Variants in SNAP25 observed in about 807,000 individuals in gnomAD.
SNAP25 encodes the protein synaptosome associated protein 25.
In SNAP25, 3 loss-of-function variants were observed where a neutral mutation model predicts 28.7. The ratio of observed to expected loss-of-function variants is 0.10; its 90% confidence interval spans 0.05 to 0.27. The LOEUF is 0.27. Ranked by LOEUF, SNAP25 falls within the 10% of genes least tolerant of loss-of-function variation. The pLI, the probability that SNAP25 is intolerant of heterozygous loss-of-function variation, is 1.00. For missense variants in SNAP25, 117 were observed against 278.7 expected, an observed-to-expected ratio of 0.42 and a Z score of 4.13; for synonymous variants, 61 against 88.1, an observed-to-expected ratio of 0.69 and a Z score of 1.72.
intron 6 of SNAP25, among the ~76,000 whole-genome samples, chr20:10,299,003 C>T (rs986981216): frequency 2.0e-5 from 3 of 151,954 alleles, no homozygotes; most frequent in Non-Finnish European, 4.4e-5. Context: ...GAAGGGGAAA[C>T]AACATAATGG....
At position 10,287,230 on chromosome 20, in the gene SNAP25, A is replaced by C. The variant is rs540735981; in HGVS notation, c.163+2458A>C. On this transcript the variant is annotated intron_variant, in intron 4 of 7. Transcript: ENST00000254976. ...ATCAGAGTGAACAGGCAACCTACAA[A>C]ATGGGAGAAAATTTTTGCAACCTAC... Among the ~76,000 whole-genome samples, 345 of 152,130 alleles carry C rather than the reference A, an allele frequency of 2.3e-3. 4 individuals carry two copies. The highest frequency in any genetic ancestry group is 3.4e-3 in the Middle Eastern group (1 of 294).
intron 1 of SNAP25, among the ~76,000 whole-genome samples, chr20:10,228,386 A>G (rs2062769118): frequency 6.6e-6 from 1 of 152,152 alleles, no homozygotes; most frequent in African/African-American, 2.4e-5. Context: ...CATGAGTTGC[A>G]CAAAATACAT....
chr20:10,273,562 CTG>C lies in SNAP25; in HGVS notation c.-63-1865_-63-1864del, dbSNP rs79564582. 4.5e-3 allele frequency among the ~76,000 whole-genome samples: 691 copies of C among 152,302 alleles called. 12 individuals carry two copies. The highest frequency in any genetic ancestry group is 0.031 in the Admixed American group (468 of 15,300). ...CTCATGGCTTAACCATCCTTTAAGA[CTG>C]TATTTCTGGCAGAAGGAGAAACAGA... On this transcript the variant is annotated intron_variant, in intron 1 of 7. Transcript: ENST00000254976.
chr20:10,273,855 A>G (rs1245906023), intron 1 of SNAP25, among the ~76,000 whole-genome samples: 2 of 152,210 alleles, frequency 1.3e-5, no homozygotes, highest in Non-Finnish European at 2.9e-5. Flanking sequence ...TTTTCATTCT[A>G]TCAGATACCT....
At chr20:10,300,794 C>T (rs577551566) in intron 7 of SNAP25, among the ~76,000 whole-genome samples, 1 of 152,108 alleles carries the variant, frequency 6.6e-6, no homozygotes, top group Non-Finnish European at 1.5e-5. Flanking sequence ...CAAGTAATGG[C>T]ATGCTTATCG....
chr20:10,224,586 T>C (rs1317747398), intron 1 of SNAP25, among the ~76,000 whole-genome samples: 5 of 152,050 alleles, frequency 3.3e-5, no homozygotes, highest in Admixed American at 2.6e-4. Flanking sequence ...TGGCATCATC[T>C]TAATAATGCT....
At chr20:10,294,053 C>T (rs150432461) in intron 5 of SNAP25, among the ~76,000 whole-genome samples, 1 of 152,280 alleles carries the variant, frequency 6.6e-6, no homozygotes, top group African/African-American at 2.4e-5. Context: ...ATGGAAGGAA[C>T]CTAAAACTGA....
intron 1 of SNAP25, among the ~76,000 whole-genome samples, chr20:10,249,113 T>C (rs1307806326): frequency 6.6e-6 from 1 of 152,240 alleles, no homozygotes; most frequent in African/African-American, 2.4e-5. Flanking sequence ...TTTACTTCAT[T>C]TGATAGCTCG....
intron 1 of SNAP25, among the ~76,000 whole-genome samples, chr20:10,264,543 T>C (rs906764594): frequency 6.6e-6 from 1 of 152,182 alleles, no homozygotes; most frequent in East Asian, 1.9e-4. Flanking sequence ...ACATGCTATG[T>C]TATCAGATAT....
At chr20:10,259,843 C>T (rs1212894511) in intron 1 of SNAP25, among the ~76,000 whole-genome samples, 1 of 152,206 alleles carries the variant, frequency 6.6e-6, no homozygotes, top group African/African-American at 2.4e-5. Context: ...AGCCAGAACC[C>T]ATTCTTATGA....
At chr20:10,224,042 A>G (rs1336566328) in intron 1 of SNAP25, among the ~76,000 whole-genome samples, 1 of 152,132 alleles carries the variant, frequency 6.6e-6, no homozygotes. Flanking sequence ...GTATCCTCCT[A>G]ACAACCTTGT....
intron 1 of SNAP25, among the ~76,000 whole-genome samples, chr20:10,222,886 T>A (rs1195181560): frequency 6.6e-6 from 1 of 152,176 alleles, no homozygotes; most frequent in Non-Finnish European, 1.5e-5. Context: ...CTAAATGAAA[T>A]TATGCAAGTT....
At chr20:10,275,403 A>G in intron 1 of SNAP25, 26 bp from the exon 2 acceptor site, 1 of 1,204,446 alleles carries the variant, frequency 8.3e-7, no homozygotes, top group Admixed American at 2.3e-5. Context: ...ATAAGCTCTC[A>G]TATTTTCATA....
intron 1 of SNAP25, among the ~76,000 whole-genome samples, chr20:10,235,313 A>C (rs1171707778): frequency 1.3e-5 from 2 of 152,226 alleles, no homozygotes. Flanking sequence ...CAACTATTAA[A>C]ATATTTTTAG....
intron 1 of SNAP25, among the ~76,000 whole-genome samples, chr20:10,236,959 C>A (rs73256307): frequency 0.15 from 21,788 of 146,612 alleles, 3,036 homozygotes; most frequent in African/African-American, 0.37. Flanking sequence ...AAGGAAAATA[C>A]ATAAATAAAT....
chr20:10,234,925 T>C (rs939005307), intron 1 of SNAP25, among the ~76,000 whole-genome samples: 1 of 152,204 alleles, frequency 6.6e-6, no homozygotes, highest in East Asian at 1.9e-4. Flanking sequence ...TAGCTGGGCA[T>C]GGTGATGTGC....
At chr20:10,241,053 G>A (rs1040016631) in intron 1 of SNAP25, among the ~76,000 whole-genome samples, 14 of 152,196 alleles carry the variant, frequency 9.2e-5, no homozygotes, top group Non-Finnish European at 1.8e-4. Context: ...CTGGGCAAGA[G>A]TCTAGGGCTG....
At chr20:10,243,875 G>A (rs986397782) in intron 1 of SNAP25, among the ~76,000 whole-genome samples, 2 of 151,686 alleles carry the variant, frequency 1.3e-5, no homozygotes, top group Non-Finnish European at 2.9e-5. Context: ...GTGGAAATCA[G>A]TCAGAAATCT....
chr20:10,226,593 A>G (rs1197148115), intron 1 of SNAP25, among the ~76,000 whole-genome samples: 2 of 152,096 alleles, frequency 1.3e-5, no homozygotes, highest in Admixed American at 6.6e-5. Context: ...GCATGTTTCA[A>G]TGGGATGCCT....
Sources: allele counts gnomAD v4.1 joint callset (sites outside exome capture counted in the v4.1 genomes callset), GRCh38; gene constraint gnomAD v4.1.1; transcripts MANE v1.5; gene names NCBI Gene and HGNC (gene_info 2026-07-23, HGNC 2026-07-21).